POGZ: variants seen among roughly 807,000 people sequenced by gnomAD.
POGZ encodes the protein pogo transposable element with ZNF domain.
In POGZ, 17 loss-of-function variants were observed where a neutral mutation model predicts 134.6. The ratio of observed to expected loss-of-function variants is 0.13; its 90% CI spans 0.09 to 0.19. POGZ has a LOEUF of 0.19. Among genes scored for constraint, POGZ ranks in the 10% least tolerant of loss-of-function variants. POGZ has a pLI of 1.00. For missense variants in POGZ, 1,306 were observed against 1,769.7 expected, an observed-to-expected ratio of 0.74 and a Z score of 4.70; for synonymous variants, 693 against 657.1, an observed-to-expected ratio of 1.05 and a Z score of -0.84.
chr1:151,417,376 T>C (rs191533084), intron 10 of POGZ, among the ~76,000 whole-genome samples: 5 of 150,054 alleles, frequency 3.3e-5, no homozygotes, highest in African/African-American at 1.2e-4. Context: ...TTTTTTTTTT[T>C]TGAGACAGCG....
chr1:151,452,592 G>A (rs1449429932), intron 1 of POGZ, among the ~76,000 whole-genome samples: 1 of 152,036 alleles, frequency 6.6e-6, no homozygotes, highest in Non-Finnish European at 1.5e-5. Context: ...GTCACCAGGC[G>A]CAGTGGCTCA....
chr1:151,456,465 CAT>C (rs1373192539), intron 1 of POGZ, among the ~76,000 whole-genome samples: 1 of 152,110 alleles, frequency 6.6e-6, no homozygotes, highest in Non-Finnish European at 1.5e-5. Context: ...TGTGAAAAAC[CAT>C]AGTCTGCTAG....
rs939440544 is a variant in POGZ, at chr1:151,405,859, C to T, written c.3176G>A (p.Arg1059His). Residue 1059 changes from arginine to histidine, a missense_variant, in exon 19 of 19, where the codon CGT becomes CAT. Arg to His is a conservative substitution (Grantham distance 29). This residue lies in a region of POGZ where 24 missense variants were observed against 69.6 expected (regional missense o/e 0.34). Coordinates refer to ENST00000271715, the MANE Select transcript of POGZ (RefSeq NM_015100.4). The surrounding 1 kb of genome is among the most constrained non-coding windows in gnomAD (Gnocchi z 4.9). ...GATCTTAAACCCCCCTTCCAAAGAA[C>T]GTCCTATTTTGGTGGCCTTCTGGAA... Reference protein sequence around the residue: ...TLFQKATKIGRSLEGGFKISY... With the variant: ...TLFQKATKIGHSLEGGFKISY... The T allele has an allele frequency of 6.2e-7, 1 of 1,614,024 alleles. No homozygotes were observed. Among genetic ancestry groups the T allele is most frequent in the African/African-American group, 1.3e-5 (1 of 74,898 alleles).
Position 151,404,683 on chromosome 1 carries a change from T to G in POGZ, c.*119A>C. On this transcript the variant is annotated 3_prime_UTR_variant, in exon 19 of 19. Coordinates refer to ENST00000271715, the MANE Select transcript of POGZ (RefSeq NM_015100.4). ...AGTCAACTTCAGGGGGGAGTGGTGG[T>G]ATAAAATTAAAAAATAGAAACCAAA... is the stretch of plus-strand genomic sequence containing the variant. 7.0e-7 allele frequency: 1 copy of G among 1,421,248 alleles called. No homozygotes were observed. The highest frequency in any genetic ancestry group is 9.2e-7 in the Non-Finnish European group (1 of 1,090,956). The allele number at this position is 1,421,248 out of a possible 1,614,324, so 88.0% of individuals were successfully genotyped here.
intron 1 of POGZ, among the ~76,000 whole-genome samples, chr1:151,458,245 A>G (rs1278414072): frequency 2.0e-5 from 3 of 152,154 alleles, no homozygotes. Flanking sequence ...GATCAATGAC[A>G]GTACTCCTTT....
intron 1 of POGZ, among the ~76,000 whole-genome samples, chr1:151,445,682 G>T (rs970358048): frequency 1.3e-5 from 2 of 152,008 alleles, no homozygotes; most frequent in Non-Finnish European, 2.9e-5. Context: ...TCTGCTGACT[G>T]AACATATTTC....
chr1:151,420,991 A>ATT (rs1398556249), intron 10 of POGZ, among the ~76,000 whole-genome samples: 2 of 148,832 alleles, frequency 1.3e-5, no homozygotes, highest in Admixed American at 1.3e-4. Flanking sequence ...GTTTTTTCAT[A>ATT]TATATATATA....
In POGZ at chr1:151,405,876, C is replaced by G. The variant is rs1360331493; in HGVS notation, c.3159G>C (p.Lys1053Asn). Reference sequence around the variant, plus strand: ...CCAAAGAACGTCCTATTTTGGTGGCCTTCTGGAACAAGGTCTCCTCATTTA... The same window carrying G: ...CCAAAGAACGTCCTATTTTGGTGGCGTTCTGGAACAAGGTCTCCTCATTTA... ...LPVNEETLFQ[K>N]ATKIGRSLEG... The change falls in exon 19 of 19, where the codon AAG becomes AAC. Residue 1053 changes from lysine to asparagine, a missense_variant. By Grantham distance (94) the Lys-to-Asn change is moderately conservative. This residue lies in a region of POGZ where 24 missense variants were observed against 69.6 expected (regional missense o/e 0.34). Coordinates refer to ENST00000271715, the MANE Select transcript of POGZ (RefSeq NM_015100.4). The surrounding 1 kb of genome is among the most constrained non-coding windows in gnomAD (Gnocchi z 4.9). 1 of 1,614,136 alleles carries G rather than the reference C, an allele frequency of 6.2e-7. No individual in the cohort carries two copies.
At chr1:151,453,162 C>T (rs1266649566) in intron 1 of POGZ, among the ~76,000 whole-genome samples, 4 of 151,916 alleles carry the variant, frequency 2.6e-5, no homozygotes, top group South Asian at 2.1e-4. Flanking sequence ...CCTTGTGATC[C>T]GCCCATCTTG....
At chr1:151,441,603 T>C (rs1250440226) in intron 2 of POGZ, among the ~76,000 whole-genome samples, 2 of 152,134 alleles carry the variant, frequency 1.3e-5, no homozygotes, top group Admixed American at 6.5e-5. Context: ...ATCACCTTTA[T>C]GAAAGAAAAG....
chr1:151,407,982 A>G, intron 15 of POGZ, 118 bp downstream of exon 15: 2 of 771,488 alleles, frequency 2.6e-6, no homozygotes, highest in Non-Finnish European at 2.0e-6. Flanking sequence ...ATTGCACTCC[A>G]GCCTAGGGGA....
intron 3 of POGZ, among the ~76,000 whole-genome samples, chr1:151,440,116 T>C (rs1241489072): frequency 6.6e-6 from 1 of 151,776 alleles, no homozygotes; most frequent in Non-Finnish European, 1.5e-5. Flanking sequence ...AAAATAAATA[T>C]ATGTACAGAA....
intron 3 of POGZ, 58 bp downstream of exon 3, chr1:151,440,870 T>A: frequency 6.8e-7 from 1 of 1,479,002 alleles, no homozygotes; most frequent in Non-Finnish European, 9.4e-7. Flanking sequence ...CCCTGAGACC[T>A]TTTTTATTCT....
At position 151,459,247 on chromosome 1, in the gene POGZ, G is replaced by C. The variant is rs867214879; in HGVS notation, c.-97C>G. On this transcript the variant is annotated 5_prime_UTR_variant, in exon 1 of 19. Coordinates refer to ENST00000271715, the MANE Select transcript of POGZ (RefSeq NM_015100.4). ...GGCGCCAGAAGGGGGTGGGAGCAGGGGGAGGGGACGGGGGCTTGGGGGGAG... is the reference window on the plus strand; with the variant it reads ...GGCGCCAGAAGGGGGTGGGAGCAGGCGGAGGGGACGGGGGCTTGGGGGGAG... The C allele has an allele frequency of 2.6e-5, 4 of 152,144 alleles. No homozygotes were observed. The highest frequency in any genetic ancestry group is 9.7e-5 in the African/African-American group (4 of 41,438). The allele number at this position is 152,144 out of a possible 1,614,324, so 9.4% of individuals were successfully genotyped here.
chr1:151,458,264 T>C (rs1663007066), intron 1 of POGZ, among the ~76,000 whole-genome samples: 1 of 151,546 alleles, frequency 6.6e-6, no homozygotes, highest in Non-Finnish European at 1.5e-5. Flanking sequence ...TTGCAAAAGG[T>C]GCCAAGAATC....
chr1:151,459,088 G>GAAA, intron 1 of POGZ, 64 bp downstream of exon 1: 1 of 148,962 alleles, frequency 6.7e-6, no homozygotes, highest in Admixed American at 6.7e-5. Context: ...CTCGCCGAGC[G>GAAA]AAAAGATAAC....
At position 151,405,961 on chromosome 1, in the gene POGZ, A is replaced by G; in HGVS notation, c.3074T>C (p.Phe1025Ser). ...CTCAGCCAGTTTCTCTTCTGCCTCA[A>G]AGCTCAGATATTTGCCCTCTAGATT... ...GENLEGKYLSFEAEEKLAEWV... is the reference protein window; with the variant it reads ...GENLEGKYLSSEAEEKLAEWV... The change falls in exon 19 of 19, where the codon TTT becomes TCT. Residue 1025 changes from phenylalanine (F) to serine (S), a missense_variant. Around this residue, in one of 10 missense-constraint regions of POGZ, gnomAD observed 24 missense variants for 69.6 expected, o/e 0.34. Coordinates refer to ENST00000271715, the MANE Select transcript of POGZ (RefSeq NM_015100.4). The surrounding 1 kb of genome is among the most constrained non-coding windows in gnomAD (Gnocchi z 4.9). 6.2e-7 allele frequency: 1 copy of G among 1,614,106 alleles called. No individual in the cohort carries two copies. The highest frequency in any genetic ancestry group is 8.5e-7 in the Non-Finnish European group (1 of 1,180,002).
At chr1:151,447,953 T>C (rs1015060028) in intron 1 of POGZ, among the ~76,000 whole-genome samples, 2 of 152,144 alleles carry the variant, frequency 1.3e-5, no homozygotes, top group Admixed American at 6.5e-5. Context: ...TTATCTCATA[T>C]ATTTCCTGCC....
Position 151,405,906 on chromosome 1 carries a change from T to C in POGZ, c.3129A>G (p.Leu1043=), listed in dbSNP as rs559229661. 389 of 1,614,192 alleles carry C rather than the reference T, an allele frequency of 2.4e-4. 3 individuals carry two copies. The South Asian group carries it at 3.7e-3, about 15-fold the overall frequency. Residue 1043 remains leucine, a synonymous_variant, in exon 19 of 19, where the codon CTA becomes CTG. Transcript: ENST00000271715. This position sits in a 1 kb window ranked among gnomAD's most constrained non-coding sequence, Gnocchi z 4.9. ...EWVLTQREQQ[L]PVNEETLFQK... ...GGAACAAGGTCTCCTCATTTACAGGTAGCTGTTGTTCGCGCTGGGTTAGCA... is the reference window on the plus strand; with the variant it reads ...GGAACAAGGTCTCCTCATTTACAGGCAGCTGTTGTTCGCGCTGGGTTAGCA...
Sources: gnomAD v4.1 joint callset for allele counts (sites outside exome capture counted in the v4.1 genomes callset) on GRCh38, gnomAD v4.1.1 for gene constraint, gnomAD v4.1.1 regional missense constraint, Gnocchi (gnomAD v3.1) non-coding constraint, MANE v1.5 for transcripts, NCBI Gene and HGNC (gene_info 2026-07-23, HGNC 2026-07-21) for gene names.